Variants in DTX4 observed in about 807,000 individuals in gnomAD.
DTX4 encodes the protein E3 ubiquitin-protein ligase DTX4.
DTX4 carries 28 observed loss-of-function variants against 57.6 expected under a neutral mutation model. The ratio of observed to expected loss-of-function variants is 0.49; its 90% confidence interval spans 0.36 to 0.67. DTX4 has a LOEUF of 0.67. Ranked by LOEUF, DTX4 falls within the 30% of genes least tolerant of loss-of-function variation. The pLI, the probability that DTX4 is intolerant of heterozygous loss-of-function variation, is 0.00. For synonymous variants in DTX4, 316 were observed against 331.0 expected (o/e 0.95, Z 0.49); for missense variants, 715 against 836.8 (o/e 0.85, Z 1.80).
In DTX4 at chr11:59,205,452, G is replaced by A. The variant is rs1316562573; in HGVS notation, c.*543G>A. On this transcript the variant is annotated 3_prime_UTR_variant, in exon 9 of 9. Coordinates refer to ENST00000227451, the MANE Select transcript of DTX4 (RefSeq NM_015177.2). ...TCAGAAACTGATGCCTTGGTGTAGA[G>A]CAAGGAAGCACTTCTTCCCAAGAGG... is the stretch of plus-strand genomic sequence containing the variant. 6.4e-6 allele frequency: 1 copy of A among 156,570 alleles called. No individual in the cohort carries two copies. The highest frequency in any genetic ancestry group is 2.5e-5 in the African/African-American group (1 of 40,714). The allele number at this position is 156,570 out of a possible 1,614,324, so 9.7% of individuals were successfully genotyped here.
chr11:59,173,399 C>T (rs1862354079), intron 1 of DTX4, among the ~76,000 whole-genome samples: 1 of 152,168 alleles, frequency 6.6e-6, no homozygotes. Flanking sequence ...GCGCCGGGCT[C>T]CCTGGGAGGA....
chr11:59,197,300 A>AC (rs1217388220), intron 7 of DTX4, among the ~76,000 whole-genome samples: 1 of 149,212 alleles, frequency 6.7e-6, no homozygotes, highest in Non-Finnish European at 1.5e-5. Flanking sequence ...CTAGAAAGAC[A>AC]TAAAAAAATG....
intron 6 of DTX4, among the ~76,000 whole-genome samples, chr11:59,193,556 A>T (rs1270395718): frequency 6.6e-6 from 1 of 152,182 alleles, no homozygotes; most frequent in Non-Finnish European, 1.5e-5. Context: ...TTCTTAGCAC[A>T]TTTGTTCCCT....
chr11:59,182,384 G>T lies in DTX4; in HGVS notation c.857G>T (p.Arg286Met). ...CCAGGACCCAACAGCAAGACCGGAAGGGTGGCCCTGGCCACCTTGAATCGT... is the reference window on the plus strand; with the variant it reads ...CCAGGACCCAACAGCAAGACCGGAATGGTGGCCCTGGCCACCTTGAATCGT... ...SPPGPNSKTG[R>M]VALATLNRTN... is the part of the protein sequence containing the mutation. Residue 286 changes from arginine (R) to methionine (M), a missense_variant, in exon 2 of 9, where the codon AGG (arginine) becomes ATG (methionine). Physicochemically the swap from Arg to Met is moderately conservative, Grantham distance 91. Coordinates refer to ENST00000227451, the MANE Select transcript of DTX4 (RefSeq NM_015177.2). 6.2e-7 allele frequency: 1 copy of T among 1,613,716 alleles called. No individual in the cohort carries two copies. The highest frequency in any genetic ancestry group is 8.5e-7 in the Non-Finnish European group (1 of 1,179,820).
intron 4 of DTX4, among the ~76,000 whole-genome samples, 182 bp downstream of exon 4, chr11:59,189,505 G>T (rs980709559): frequency 6.6e-5 from 10 of 152,204 alleles, no homozygotes; most frequent in Admixed American, 4.6e-4. Context: ...GTATGGATCA[G>T]ATGGAAACAC....
At chr11:59,194,948 C>A in intron 6 of DTX4, 2 of 503,988 alleles carry the variant, frequency 4.0e-6, no homozygotes, top group Non-Finnish European at 7.1e-6. Context: ...AGAGCTGGTC[C>A]CCTCCTCAGG....
intron 8 of DTX4, among the ~76,000 whole-genome samples, chr11:59,202,788 A>G (rs1281105079): frequency 6.6e-6 from 1 of 152,210 alleles, no homozygotes; most frequent in East Asian, 1.9e-4. Flanking sequence ...GTTTTCTGTC[A>G]TTTAATGACA....
rs917058323 is a variant in DTX4 at position 59,207,779 on chromosome 11, C to G, written c.*2870C>G. ...GACAAATTGGATTGGAGACAAACCT[C>G]GTCAGATGCTCATCCCCTAAAAGGT... On this transcript the variant is annotated 3_prime_UTR_variant, in exon 9 of 9. Transcript: ENST00000227451. 1 of 152,620 alleles carries G rather than the reference C, an allele frequency of 6.6e-6. No individual in the cohort carries two copies. Among genetic ancestry groups the G allele is most frequent in the Non-Finnish European group, 1.5e-5 (1 of 68,030 alleles). The allele number at this position is 152,620 out of a possible 1,614,324, so 9.5% of individuals were successfully genotyped here. A position where few individuals can be genotyped will look rare whatever the true frequency, so the allele number is the denominator to read the frequency against.
Position 59,195,316 on chromosome 11 carries a change from C to A in DTX4, c.1483C>A (p.His495Asn). The A allele has an allele frequency of 6.2e-7, 1 of 1,613,956 alleles. No individual in the cohort carries two copies. Among genetic ancestry groups the A allele is most frequent in the Non-Finnish European group, 8.5e-7 (1 of 1,179,872 alleles). Residue 495 changes from histidine (H) to asparagine (N), a missense_variant, in exon 7 of 9, where the codon CAC (histidine) becomes AAC (asparagine). Physicochemically the swap from His to Asn is moderately conservative, Grantham distance 68. Coordinates refer to ENST00000227451, the MANE Select transcript of DTX4 (RefSeq NM_015177.2). ...YHLIPHSLPG[H>N]PDCKTIRIIY... ...CCTCATCCCCCACTCCTTGCCTGGC[C>A]ACCCAGACTGCAAAACCATCCGGAT...
At chr11:59,171,743 C>T (rs1165322267), upstream of DTX4, among the ~76,000 whole-genome samples, 1 of 151,916 alleles carries the variant, frequency 6.6e-6, no homozygotes, top group Non-Finnish European at 1.5e-5. Context: ...CGTGTGTGTG[C>T]GACTGTGAGT....
At chr11:59,185,829 A>T (rs1184019166) in intron 2 of DTX4, among the ~76,000 whole-genome samples, 1 of 152,210 alleles carries the variant, frequency 6.6e-6, no homozygotes, top group Non-Finnish European at 1.5e-5. Flanking sequence ...AAACTTGCAC[A>T]GGGCTCAGCT....
At chr11:59,198,465 C>T (rs11229871) in intron 7 of DTX4, among the ~76,000 whole-genome samples, 4,919 of 152,244 alleles carry the variant, frequency 0.032, 146 homozygotes, top group East Asian at 0.095. Context: ...TTTCAGCTCA[C>T]GGTGACTGCT....
At chr11:59,200,200 T>C (rs929403338) in intron 8 of DTX4, among the ~76,000 whole-genome samples, 5 of 152,148 alleles carry the variant, frequency 3.3e-5, no homozygotes, top group Admixed American at 3.3e-4. Context: ...AACCATCAGA[T>C]CTTGTGACAC....
intron 1 of DTX4, among the ~76,000 whole-genome samples, chr11:59,173,538 T>A (rs890412657): frequency 9.9e-5 from 15 of 152,162 alleles, no homozygotes; most frequent in African/African-American, 3.6e-4. Context: ...TCGGAATGCA[T>A]GGCAGGGAAG....
rs1038694114 is a variant in DTX4 at position 59,208,476 on chromosome 11, C to A, written c.*3567C>A. The A allele has an allele frequency of 6.6e-6, 1 of 152,160 alleles. No homozygotes were observed. Among genetic ancestry groups the A allele is most frequent in the Admixed American group, 6.5e-5 (1 of 15,274 alleles). The allele number at this position is 152,160 out of a possible 1,614,324, so 9.4% of individuals were successfully genotyped here. A position where few individuals can be genotyped will look rare whatever the true frequency, so the allele number is the denominator to read the frequency against. On this transcript the variant is annotated 3_prime_UTR_variant, in exon 9 of 9. Coordinates refer to ENST00000227451, the MANE Select transcript of DTX4 (RefSeq NM_015177.2). ...TTTTAAAGGTCTCTTTGCCTGGCTG[C>A]AATATAGTGTGTGTTTAAATTATTT... is the stretch of plus-strand genomic sequence containing the variant.
intron 5 of DTX4, among the ~76,000 whole-genome samples, chr11:59,191,676 A>C (rs1030161558): frequency 1.3e-5 from 2 of 152,214 alleles, no homozygotes; most frequent in Non-Finnish European, 2.9e-5. Flanking sequence ...AATAGTTCTG[A>C]GGTTTAGAAA....
chr11:59,173,071 C>G (rs1158531053), intron 1 of DTX4, among the ~76,000 whole-genome samples: 1 of 152,250 alleles, frequency 6.6e-6, no homozygotes, highest in Non-Finnish European at 1.5e-5. Context: ...CTCCCCACCC[C>G]TTTCATGCCC....
At chr11:59,191,835 CAGA>C (rs1483329537) in intron 5 of DTX4, among the ~76,000 whole-genome samples, 3 of 152,198 alleles carry the variant, frequency 2.0e-5, no homozygotes, top group Admixed American at 1.3e-4. Context: ...AAGGACAAAA[CAGA>C]AGGACAGTGC....
intron 1 of DTX4, among the ~76,000 whole-genome samples, 162 bp from the exon 2 acceptor site, chr11:59,181,577 A>G (rs1395751297): frequency 2.0e-5 from 3 of 152,208 alleles, no homozygotes; most frequent in Non-Finnish European, 4.4e-5. Flanking sequence ...AAAGGGAGAA[A>G]TGAGTTTCAT....
Sources: allele counts gnomAD v4.1 joint callset (sites outside exome capture counted in the v4.1 genomes callset), GRCh38; gene constraint gnomAD v4.1.1; transcripts MANE v1.5; gene names NCBI Gene and HGNC (gene_info 2026-07-23, HGNC 2026-07-21).